YAE1: variants seen among roughly 807,000 people sequenced by gnomAD.
The protein encoded by YAE1 is protein YAE1 homolog.
YAE1 carries 22 observed loss-of-function variants against 23.0 expected under a neutral mutation model. The observed-to-expected ratio is 0.96, with a 90% CI of 0.68 to 1.37. The LOEUF is 1.37. YAE1 is among the 40% of genes most tolerant of loss of function. The pLI is 0.00. For synonymous variants in YAE1, 101 were observed against 97.0 expected (o/e 1.04, Z -0.24); for missense variants, 260 against 262.1 (o/e 0.99, Z 0.06).
chr7:39,608,765 T>C (rs1791164601), intron 2 of YAE1, among the ~76,000 whole-genome samples: 2 of 152,338 alleles, frequency 1.3e-5, no homozygotes, highest in South Asian at 4.1e-4. Flanking sequence ...TGATAAGGGA[T>C]CCACCAATGC....
intron 2 of YAE1, among the ~76,000 whole-genome samples, chr7:39,591,030 C>T (rs1158630436): frequency 6.6e-6 from 1 of 152,172 alleles, no homozygotes; most frequent in Non-Finnish European, 1.5e-5. Flanking sequence ...AAGGTGTTGG[C>T]AGGCTTGGTT....
intron 2 of YAE1, among the ~76,000 whole-genome samples, chr7:39,596,857 A>G (rs1357938316): frequency 6.6e-6 from 1 of 152,236 alleles, no homozygotes; most frequent in Non-Finnish European, 1.5e-5. Flanking sequence ...AATACAAGAC[A>G]CAACTAATAT....
At chr7:39,583,768 T>C (rs953287702) in intron 2 of YAE1, among the ~76,000 whole-genome samples, 3 of 152,200 alleles carry the variant, frequency 2.0e-5, no homozygotes, top group Non-Finnish European at 4.4e-5. Flanking sequence ...CAATTATGTA[T>C]GTAAAGCCCT....
In YAE1 at chr7:39,570,528, A is replaced by T. The variant is rs766238324; in HGVS notation, c.152A>T (p.Asp51Val). 1.9e-6 allele frequency: 3 copies of T among 1,612,158 alleles called. No individual in the cohort carries two copies. Among genetic ancestry groups the T allele is most frequent in the Admixed American group, 3.4e-5 (2 of 59,268 alleles). ...RVKEGYRDGI[D>V]AGKAVTLQQG... The stretch of plus-strand genomic sequence containing the variant: ...TAGGAAGGTTATAGAGATGGAATAG[A>T]TGCTGGCAAAGCAGTTACTCTTCAA... Residue 51 changes from aspartate (D) to valine (V), a missense_variant, in exon 2 of 3, where the codon GAT (aspartate) becomes GTT (valine). Coordinates refer to ENST00000223273, the MANE Select transcript of YAE1 (RefSeq NM_020192.5).
intron 2 of YAE1, among the ~76,000 whole-genome samples, chr7:39,608,855 G>T (rs1311463017): frequency 6.6e-6 from 1 of 152,074 alleles, no homozygotes; most frequent in African/African-American, 2.4e-5. Flanking sequence ...AAAAGACTTT[G>T]GGCTTCTAAC....
At chr7:39,568,264 T>C (rs1790507640) in intron 1 of YAE1, among the ~76,000 whole-genome samples, 2 of 151,168 alleles carry the variant, frequency 1.3e-5, no homozygotes, top group African/African-American at 4.8e-5. Flanking sequence ...AATAAATATA[T>C]ATATATATAG....
At chr7:39,568,058 C>T (rs765164415) in intron 1 of YAE1, among the ~76,000 whole-genome samples, 8 of 151,864 alleles carry the variant, frequency 5.3e-5, no homozygotes, top group East Asian at 3.9e-4. Flanking sequence ...AAATGTGTGG[C>T]GAAACCCCAT....
At chr7:39,599,859 G>T (rs1369628400) in intron 2 of YAE1, among the ~76,000 whole-genome samples, 2 of 152,060 alleles carry the variant, frequency 1.3e-5, no homozygotes, top group Non-Finnish European at 2.9e-5. Context: ...AAAGTGCTGG[G>T]ATTACAGGCG....
chr7:39,593,507 C>T (rs1462856281), intron 2 of YAE1, among the ~76,000 whole-genome samples: 1 of 152,182 alleles, frequency 6.6e-6, no homozygotes, highest in Non-Finnish European at 1.5e-5. Context: ...CCTGGCCTCT[C>T]AAGGTGCTGG....
intron 2 of YAE1, among the ~76,000 whole-genome samples, chr7:39,598,704 G>T (rs1791012746): frequency 6.6e-6 from 1 of 150,954 alleles, no homozygotes; most frequent in Non-Finnish European, 1.5e-5. Flanking sequence ...TTGAACCCAG[G>T]AGGTCAAGGC....
intron 2 of YAE1, among the ~76,000 whole-genome samples, chr7:39,593,852 C>T (rs7809088): frequency 6.6e-6 from 1 of 152,076 alleles, no homozygotes; most frequent in African/African-American, 2.4e-5. Context: ...GGTATAGTTA[C>T]GATAACTGCC....
chr7:39,598,494 A>G (rs375591306), intron 2 of YAE1, among the ~76,000 whole-genome samples: 43 of 151,798 alleles, frequency 2.8e-4, no homozygotes, highest in African/African-American at 1.0e-3. Context: ...AGAAAGCAAC[A>G]GGCAAGGTGC....
intron 2 of YAE1, among the ~76,000 whole-genome samples, chr7:39,593,937 T>A (rs1454875550): frequency 6.6e-6 from 1 of 152,232 alleles, no homozygotes; most frequent in Non-Finnish European, 1.5e-5. Context: ...CCTTAGAGTG[T>A]TGGTTGATCA....
At chr7:39,583,686 C>T (rs1358812535) in intron 2 of YAE1, among the ~76,000 whole-genome samples, 3 of 152,216 alleles carry the variant, frequency 2.0e-5, no homozygotes, top group African/African-American at 7.2e-5. Flanking sequence ...GAGCCTCCTA[C>T]TTTCCAAATG....
downstream of YAE1, among the ~76,000 whole-genome samples, chr7:39,577,663 C>T (rs1583671594): frequency 6.6e-6 from 1 of 152,362 alleles, no homozygotes; most frequent in African/African-American, 2.4e-5. Flanking sequence ...AACCTGCAGC[C>T]TGTCATGCCC....
chr7:39,605,092 T>C (rs1421092199), intron 2 of YAE1, among the ~76,000 whole-genome samples: 1 of 152,142 alleles, frequency 6.6e-6, no homozygotes, highest in Non-Finnish European at 1.5e-5. Flanking sequence ...TCTCATAAAA[T>C]ATTGATTTCC....
chr7:39,570,535 C>T lies in YAE1; in HGVS notation c.159C>T (p.Gly53=). The part of the protein sequence containing the change: ...KEGYRDGIDA[G]KAVTLQQGFN... ...GTTATAGAGATGGAATAGATGCTGG[C>T]AAAGCAGTTACTCTTCAACAGGGCT... The change falls in exon 2 of 3, where the codon GGC becomes GGT. Residue 53 remains glycine, a synonymous_variant. Transcript: ENST00000223273. 1 of 1,611,974 alleles carries T rather than the reference C, an allele frequency of 6.2e-7. No homozygotes were observed.
At chr7:39,575,581 A>AGT (rs1179474179), downstream of YAE1, among the ~76,000 whole-genome samples, 15 of 105,426 alleles carry the variant, frequency 1.4e-4, no homozygotes, top group Non-Finnish European at 2.2e-4. Flanking sequence ...AGAGAGAGTG[A>AGT]GTGTGTGTGT....
intron 2 of YAE1, among the ~76,000 whole-genome samples, chr7:39,601,631 G>T (rs972238851): frequency 2.6e-5 from 4 of 151,806 alleles, no homozygotes; most frequent in South Asian, 2.1e-4. Flanking sequence ...ATGGTGGCGG[G>T]CGCCTGTAGT....
Sources: gnomAD v4.1 joint callset for allele counts (sites outside exome capture counted in the v4.1 genomes callset) on GRCh38, gnomAD v4.1.1 for gene constraint, MANE v1.5 for transcripts, NCBI Gene and HGNC (gene_info 2026-07-23, HGNC 2026-07-21) for gene names.